The following TMEM163 variants were observed in gnomAD, a reference collection of about 807,000 sequenced individuals.
TMEM163 encodes transmembrane protein 163.
TMEM163 carries 17 observed loss-of-function variants against 29.3 expected under a neutral mutation model. The ratio of observed to expected loss-of-function variants is 0.58; its 90% CI spans 0.40 to 0.87. TMEM163 has a LOEUF of 0.87. TMEM163 is among the 40% of genes least tolerant of loss of function. The pLI, the probability that TMEM163 is intolerant of heterozygous loss-of-function variation, is 0.00. For missense variants in TMEM163, 303 were observed against 381.5 expected (o/e 0.79, Z 1.71); for synonymous variants, 157 against 160.6 (o/e 0.98, Z 0.17).
chr2:134,647,993 T>C lies in TMEM163; in HGVS notation c.322+65207A>G, dbSNP rs971025433. ...TGCTGTCCACAGATGGCTTAAGTGT[T>C]AACAGCTCAGTGGAGGGTCAGCGTG... On this transcript the variant is annotated intron_variant, in intron 2 of 7. Coordinates refer to ENST00000281924, the MANE Select transcript of TMEM163 (RefSeq NM_030923.5). Among the ~76,000 whole-genome samples, 4 of 152,348 alleles carry C rather than the reference T, an allele frequency of 2.6e-5. No homozygotes were observed. In the East Asian group the frequency reaches 7.7e-4, roughly 29 times the overall value.
chr2:134,581,837 C>A (rs1681700468), intron 2 of TMEM163, among the ~76,000 whole-genome samples: 1 of 152,202 alleles, frequency 6.6e-6, no homozygotes, highest in Non-Finnish European at 1.5e-5. Context: ...ACCAAAAAGG[C>A]AACTACCCTT....
intron 4 of TMEM163, among the ~76,000 whole-genome samples, chr2:134,537,341 T>C (rs1309571890): frequency 3.9e-5 from 6 of 152,194 alleles, no homozygotes; most frequent in African/African-American, 1.4e-4. Context: ...TTCTGGAGGC[T>C]GAAGTTCTGA....
chr2:134,527,710 G>A (rs1291867335), intron 4 of TMEM163, among the ~76,000 whole-genome samples: 2 of 152,174 alleles, frequency 1.3e-5, no homozygotes, highest in Non-Finnish European at 2.9e-5. Flanking sequence ...ACAAACACGG[G>A]CTGGGAAAAT....
At chr2:134,586,129 G>A (rs543254145) in intron 2 of TMEM163, among the ~76,000 whole-genome samples, 23 of 152,250 alleles carry the variant, frequency 1.5e-4, no homozygotes, top group African/African-American at 4.8e-4. Flanking sequence ...GAAATTCTTC[G>A]GATGGCACCT....
At chr2:134,667,484 G>A (rs972592209) in intron 2 of TMEM163, among the ~76,000 whole-genome samples, 1 of 152,106 alleles carries the variant, frequency 6.6e-6, no homozygotes, top group Non-Finnish European at 1.5e-5. Context: ...CCATGTTAAC[G>A]CACTCAACAT....
intron 2 of TMEM163, among the ~76,000 whole-genome samples, chr2:134,693,540 C>A (rs1487678863): frequency 6.9e-6 from 1 of 145,042 alleles, no homozygotes; most frequent in African/African-American, 2.6e-5. Context: ...GCCCAAGAGG[C>A]AGAGGTTGCA....
chr2:134,663,156 T>C (rs1046435031), intron 2 of TMEM163, among the ~76,000 whole-genome samples: 1 of 152,228 alleles, frequency 6.6e-6, no homozygotes, highest in East Asian at 1.9e-4. Flanking sequence ...TAAACAGAAC[T>C]GCAAAAAGGC....
intron 2 of TMEM163, among the ~76,000 whole-genome samples, chr2:134,641,622 T>C (rs983862017): frequency 6.6e-6 from 1 of 151,746 alleles, no homozygotes; most frequent in African/African-American, 2.4e-5. Context: ...AAAAGCACAA[T>C]AATTAAATTA....
intron 4 of TMEM163, among the ~76,000 whole-genome samples, chr2:134,534,013 T>G (rs1680474503): frequency 6.6e-6 from 1 of 152,172 alleles, no homozygotes; most frequent in South Asian, 2.1e-4. Context: ...ATCACCCTGC[T>G]CTGTTTCCTT....
chr2:134,550,425 G>A, intron 4 of TMEM163, 145 bp downstream of exon 4: 1 of 670,080 alleles, frequency 1.5e-6, no homozygotes, highest in South Asian at 1.7e-5. Context: ...GGCTGGCATT[G>A]CACTAGTCAC....
intron 2 of TMEM163, among the ~76,000 whole-genome samples, chr2:134,667,067 G>A (rs56710013): frequency 0.1 from 15,862 of 152,222 alleles, 989 homozygotes; most frequent in South Asian, 0.17. Context: ...CCCAGCATGA[G>A]TGTGACCTAG....
intron 2 of TMEM163, among the ~76,000 whole-genome samples, chr2:134,648,505 A>G (rs146289648): frequency 6.6e-6 from 1 of 151,926 alleles, no homozygotes; most frequent in Non-Finnish European, 1.5e-5. Flanking sequence ...GTTGCTGGGG[A>G]CCCACCCTCT....
rs1683495070 is a variant in TMEM163 at position 134,652,175 on chromosome 2, G to A, written c.322+61025C>T. Among the ~76,000 whole-genome samples the A allele has an allele frequency of 1.7e-5, 2 of 116,076 alleles. 1 individual carries two copies. Among genetic ancestry groups the A allele is most frequent in the African/African-American group, 8.2e-5 (2 of 24,294 alleles). The allele number at this position is 116,076 out of a possible 152,430, so 76.2% of individuals were successfully genotyped here. A position where few individuals can be genotyped will look rare whatever the true frequency, so the allele number is the denominator to read the frequency against. Reference sequence around the variant, plus strand: ...CACGATATTGATTCTTCCTACCCATGAGCATGCAATGTTCTTCCATTTGTT... The same window carrying A: ...CACGATATTGATTCTTCCTACCCATAAGCATGCAATGTTCTTCCATTTGTT... On this transcript the variant is annotated intron_variant, in intron 2 of 7. Transcript: ENST00000281924.
intron 5 of TMEM163, chr2:134,467,208 G>A (rs1318438301): frequency 6.6e-6 from 1 of 152,148 alleles, no homozygotes; most frequent in Non-Finnish European, 1.5e-5. Context: ...TGACGGTGGT[G>A]GTTTTGGCAA....
chr2:134,670,081 T>G (rs1452811200), intron 2 of TMEM163, among the ~76,000 whole-genome samples: 1 of 151,948 alleles, frequency 6.6e-6, no homozygotes, highest in African/African-American at 2.4e-5. Flanking sequence ...TAGGCCACTG[T>G]GTTTTGGGAT....
intron 5 of TMEM163, among the ~76,000 whole-genome samples, chr2:134,500,838 G>C (rs560123405): frequency 6.6e-6 from 1 of 152,194 alleles, no homozygotes; most frequent in South Asian, 2.1e-4. Flanking sequence ...AGGGGGAAGG[G>C]AGGGACTTGT....
chr2:134,528,506 T>C (rs1461960687), intron 4 of TMEM163, among the ~76,000 whole-genome samples: 7 of 152,210 alleles, frequency 4.6e-5, no homozygotes, highest in Non-Finnish European at 7.3e-5. Context: ...ATGAATGAGA[T>C]AGAAAAGTTA....
At chr2:134,625,220 G>T (rs946655142) in intron 2 of TMEM163, among the ~76,000 whole-genome samples, 3 of 152,048 alleles carry the variant, frequency 2.0e-5, no homozygotes, top group Admixed American at 2.0e-4. Context: ...ATAATAAAAG[G>T]TTTAATAACT....
chr2:134,576,212 G>A (rs555015386), intron 2 of TMEM163, among the ~76,000 whole-genome samples: 1 of 152,282 alleles, frequency 6.6e-6, no homozygotes, highest in South Asian at 2.1e-4. Flanking sequence ...GAAAAGTCCT[G>A]GAGATCTTAG....
Sources: allele counts gnomAD v4.1 joint callset (sites outside exome capture counted in the v4.1 genomes callset), GRCh38; gene constraint gnomAD v4.1.1; transcripts MANE v1.5; gene names NCBI Gene and HGNC (gene_info 2026-07-23, HGNC 2026-07-21).